F10: variants seen among roughly 807,000 people sequenced by gnomAD.
F10 encodes Stuart-Prower factor.
In F10, 29 loss-of-function variants were observed where a neutral mutation model predicts 37.1. The ratio of observed to expected loss-of-function variants is 0.78; its 90% CI spans 0.58 to 1.07. F10 has a LOEUF of 1.07. Among genes scored for constraint, F10 ranks in the 50% least tolerant of loss-of-function variants. The pLI is 0.00. For missense variants in F10, 539 were observed against 667.9 expected (o/e 0.81, Z 2.13); for synonymous variants, 262 against 268.6 (o/e 0.98, Z 0.24).
Position 113,143,704 on chromosome 13 carries a change from G to GAATT in F10, c.503-147_503-146insAATT. The GAATT allele has an allele frequency of 1.8e-5, 21 of 1,188,228 alleles. No homozygotes were observed. Among genetic ancestry groups the GAATT allele is most frequent in the Admixed American group, 1.7e-4 (7 of 41,792 alleles). 73.6% of individuals were successfully genotyped at this position (1,188,228 alleles called of 1,614,324 possible). On this transcript the variant is annotated intron_variant, in intron 5 of 7. Coordinates refer to ENST00000375559, the MANE Select transcript of F10 (RefSeq NM_000504.4). The surrounding 1 kb of genome is among the most constrained non-coding windows in gnomAD (Gnocchi z 6.8). ...AGATCCGACCCCTGCCGACGACGTG[G>GAATT]GGCCTCGCCCTGCAAGCCCGCTGCC...
At chr13:113,136,271 T>C (rs1166948901) in intron 2 of F10, among the ~76,000 whole-genome samples, 1 of 152,134 alleles carries the variant, frequency 6.6e-6, no homozygotes. Context: ...TTTGATACAC[T>C]GCTCGTGGGA....
At chr13:113,126,342 G>T (rs1359002790) in intron 1 of F10, among the ~76,000 whole-genome samples, 6 of 152,194 alleles carry the variant, frequency 3.9e-5, no homozygotes, top group Admixed American at 2.0e-4. Context: ...AGGCTTCAGG[G>T]AGATGGGAAA....
At chr13:113,138,394 G>T (rs1167915783) in intron 2 of F10, 63 bp from the exon 3 acceptor site, 2 of 825,160 alleles carry the variant, frequency 2.4e-6, no homozygotes, top group East Asian at 5.0e-5. Context: ...AATTATGGTT[G>T]TTATTGGTAT....
At chr13:113,122,980 C>T (rs913046913) in intron 1 of F10, 55 bp downstream of exon 1, 70 of 1,580,812 alleles carry the variant, frequency 4.4e-5, no homozygotes, top group Middle Eastern at 3.5e-4. Context: ...CAGGGAGGGG[C>T]GGCAGTTGGG....
intron 2 of F10, 92 bp downstream of exon 2, chr13:113,129,704 C>T: frequency 6.4e-7 from 1 of 1,555,972 alleles, no homozygotes. Flanking sequence ...GGGGGGCGGC[C>T]TGGAGGAAGG....
At chr13:113,148,811 G>A in intron 7 of F10, 105 bp from the exon 8 acceptor site, 1 of 1,508,550 alleles carries the variant, frequency 6.6e-7, no homozygotes, top group Non-Finnish European at 8.9e-7. Context: ...GTGATCACGT[G>A]CCATTTTTAA....
intron 1 of F10, 78 bp from the exon 2 acceptor site, chr13:113,129,374 G>A: frequency 3.2e-6 from 5 of 1,569,644 alleles, no homozygotes; most frequent in African/African-American, 1.4e-5. Context: ...AAGGGACATG[G>A]CAGTCAGGGA....
intron 1 of F10, among the ~76,000 whole-genome samples, chr13:113,126,067 G>T (rs2036367441): frequency 6.6e-6 from 1 of 152,140 alleles, no homozygotes; most frequent in Non-Finnish European, 1.5e-5. Flanking sequence ...TGTGAGTGTT[G>T]GGCTCAGCCA....
intron 2 of F10, chr13:113,129,977 C>G: frequency 2.9e-6 from 1 of 344,234 alleles, no homozygotes; most frequent in Non-Finnish European, 5.7e-6. Context: ...TGAGATCGTG[C>G]CCTCCCACGC....
chr13:113,130,073 G>C, intron 2 of F10: 3 of 304,444 alleles, frequency 9.9e-6, no homozygotes, highest in Non-Finnish European at 1.9e-5. Flanking sequence ...ACTGACGCCA[G>C]GCCACGAACC....
In F10 at chr13:113,129,561, G is replaced by A. The variant is rs367582815; in HGVS notation, c.180G>A (p.Glu60=). The change falls in exon 2 of 8, where the codon GAG becomes GAA. Residue 60 remains glutamate, a synonymous_variant. Transcript: ENST00000375559. ...KGHLERECME[E]TCSYEEAREV... ...ACCTCGAAAGAGAGTGCATGGAAGAGACCTGCTCATACGAAGAGGCCCGCG... is the reference window on the plus strand; with the variant it reads ...ACCTCGAAAGAGAGTGCATGGAAGAAACCTGCTCATACGAAGAGGCCCGCG... 10 of 1,614,122 alleles carry A rather than the reference G, an allele frequency of 6.2e-6. No homozygotes were observed. The African/African-American group carries it at 1.3e-4, about 22-fold the overall frequency.
chr13:113,123,254 C>T (rs1004922272), intron 1 of F10, among the ~76,000 whole-genome samples: 22 of 151,994 alleles, frequency 1.4e-4, no homozygotes, highest in Non-Finnish European at 2.8e-4. Context: ...GGTAGAAAGA[C>T]GGAGACAGAG....
At chr13:113,148,345 A>ATATATATATAT (rs1555396301) in intron 7 of F10, among the ~76,000 whole-genome samples, 5 of 95,416 alleles carry the variant, frequency 5.2e-5, no homozygotes, top group East Asian at 4.3e-4. Flanking sequence ...AAAAAAAAAA[A>ATATATATATAT]ATATATATAT....
intron 7 of F10, among the ~76,000 whole-genome samples, chr13:113,148,345 A>AAATATATATATATATATATAT (rs1300922846): frequency 3.1e-5 from 3 of 95,416 alleles, no homozygotes; most frequent in East Asian, 8.5e-4. Flanking sequence ...AAAAAAAAAA[A>AAATATATATATATATATATAT]ATATATATAT....
intron 2 of F10, chr13:113,130,621 AGC>A (rs1339706878): frequency 2.0e-5 from 3 of 152,264 alleles, no homozygotes; most frequent in African/African-American, 7.2e-5. Flanking sequence ...CAGGTCCCCC[AGC>A]GCAGGCCACC....
intron 1 of F10, among the ~76,000 whole-genome samples, chr13:113,126,466 A>C (rs2036371157): frequency 6.6e-6 from 1 of 152,182 alleles, no homozygotes; most frequent in African/African-American, 2.4e-5. Flanking sequence ...GCTATCACAG[A>C]ACAGCGAGTT....
At chr13:113,126,731 AC>A (rs2036374316) in intron 1 of F10, among the ~76,000 whole-genome samples, 1 of 152,200 alleles carries the variant, frequency 6.6e-6, no homozygotes, top group South Asian at 2.1e-4. Context: ...CGGTCTTCAG[AC>A]CCCAACTGGA....
intron 2 of F10, among the ~76,000 whole-genome samples, chr13:113,133,702 CCAGA>C (rs2138533722): frequency 6.6e-6 from 1 of 152,230 alleles, no homozygotes; most frequent in East Asian, 1.9e-4. Flanking sequence ...GATGTCAAAA[CCAGA>C]CAAATACTGA....
At chr13:113,132,944 G>C (rs1316940384) in intron 2 of F10, among the ~76,000 whole-genome samples, 1 of 152,104 alleles carries the variant, frequency 6.6e-6, no homozygotes, top group East Asian at 1.9e-4. Flanking sequence ...AAAAATAACT[G>C]GAAACTTCCC....
Sources: allele counts gnomAD v4.1 joint callset (sites outside exome capture counted in the v4.1 genomes callset), GRCh38; gene constraint gnomAD v4.1.1; non-coding constraint Gnocchi (gnomAD v3.1); transcripts MANE v1.5; gene names NCBI Gene and HGNC (gene_info 2026-07-23, HGNC 2026-07-21).